PPP1R12A: variants seen among roughly 807,000 people sequenced by gnomAD.
The protein encoded by PPP1R12A is protein phosphatase 1 regulatory subunit 12A.
In PPP1R12A, 19 loss-of-function variants were observed where a neutral mutation model predicts 139.6. The observed-to-expected ratio is 0.14, with a 90% CI of 0.09 to 0.20. The LOEUF is 0.20. Among genes scored for constraint, PPP1R12A ranks in the 10% least tolerant of loss-of-function variants. The pLI, the probability that PPP1R12A is intolerant of heterozygous loss-of-function variation, is 1.00. For missense variants in PPP1R12A, 925 were observed against 1,211.5 expected (o/e 0.76, Z 3.51); for synonymous variants, 427 against 420.6 (o/e 1.02, Z -0.19).
intron 9 of PPP1R12A, 46 bp from the exon 10 acceptor site, chr12:79,810,056 G>A (rs762160303): frequency 1.3e-5 from 18 of 1,389,726 alleles, no homozygotes; most frequent in South Asian, 9.1e-5. Context: ...AATTTGTAAA[G>A]CTGATCAGTC....
chr12:79,873,842 G>A (rs1223018306), intron 1 of PPP1R12A, among the ~76,000 whole-genome samples: 2 of 152,170 alleles, frequency 1.3e-5, no homozygotes, highest in Non-Finnish European at 2.9e-5. Context: ...AAAAGCACTT[G>A]TGACATTGAG....
intron 1 of PPP1R12A, among the ~76,000 whole-genome samples, chr12:79,909,982 G>A (rs1172344531): frequency 2.6e-5 from 4 of 151,836 alleles, no homozygotes; most frequent in African/African-American, 9.7e-5. Flanking sequence ...TTACAGGCCT[G>A]AGCCACCCCG....
At chr12:79,868,967 A>G (rs972517175) in intron 2 of PPP1R12A, among the ~76,000 whole-genome samples, 2 of 152,236 alleles carry the variant, frequency 1.3e-5, no homozygotes, top group Admixed American at 6.5e-5. Context: ...TTAAGAATGA[A>G]AAAGTCAAGG....
chr12:79,873,038 T>C (rs1161665844), intron 1 of PPP1R12A, 100 bp from the exon 2 acceptor site: 13 of 1,218,626 alleles, frequency 1.1e-5, no homozygotes, highest in African/African-American at 1.5e-5. Context: ...TTTTATAATA[T>C]AAATATTCTC....
Position 79,806,286 on chromosome 12 carries a change from G to A in PPP1R12A, c.1703C>T (p.Pro568Leu). The A allele has an allele frequency of 1.9e-6, 3 of 1,613,842 alleles. No individual in the cohort carries two copies. Among genetic ancestry groups the A allele is most frequent in the East Asian group, 2.2e-5 (1 of 44,870 alleles). ...RQDDLISSSV[P>L]STTSTPTVTS... is the part of the protein sequence containing the mutation. ...AACTGTTGGTGTTGATGTGGTGCTT[G>A]GAACACTAGAACTAATCAAATCATC... is the stretch of plus-strand genomic sequence containing the variant. Residue 568 changes from proline (P) to leucine (L), a missense_variant, in exon 13 of 25, where the codon CCA becomes CTA. Coordinates refer to ENST00000450142, the MANE Select transcript of PPP1R12A (RefSeq NM_002480.3).
At chr12:79,846,672 G>T (rs1007548412) in intron 2 of PPP1R12A, among the ~76,000 whole-genome samples, 1 of 147,678 alleles carries the variant, frequency 6.8e-6, no homozygotes, top group Admixed American at 6.9e-5. Context: ...CTCGTGATCC[G>T]CCTGCCTCGG....
chr12:79,786,154 C>T (rs1312912175), intron 22 of PPP1R12A, among the ~76,000 whole-genome samples: 2 of 152,014 alleles, frequency 1.3e-5, no homozygotes, highest in African/African-American at 2.4e-5. Flanking sequence ...CTTGACATAC[C>T]ACAACATTGG....
At chr12:79,889,713 T>C (rs1359266590) in intron 1 of PPP1R12A, among the ~76,000 whole-genome samples, 1 of 152,186 alleles carries the variant, frequency 6.6e-6, no homozygotes, top group African/African-American at 2.4e-5. Context: ...TTGGGGTTAA[T>C]GTGTCTTGGT....
At chr12:79,886,781 T>C (rs1884144915) in intron 1 of PPP1R12A, among the ~76,000 whole-genome samples, 2 of 152,206 alleles carry the variant, frequency 1.3e-5, no homozygotes, top group Non-Finnish European at 1.5e-5. Context: ...ACAAATACTA[T>C]ATATTTGAAT....
At position 79,873,496 on chromosome 12, in the gene PPP1R12A, TA is replaced by T. The variant is rs35604870; in HGVS notation, c.238-559del. On this transcript the variant is annotated intron_variant, in intron 1 of 24. Transcript: ENST00000450142. The stretch of plus-strand genomic sequence containing the variant: ...TTTCAACCACTTTGTACTCATAATT[TA>T]AAAAAAAAAAAAAAAAAACATTGCT... Among the ~76,000 whole-genome samples, 197 of 134,750 alleles carry T rather than the reference TA, an allele frequency of 1.5e-3. 1 individual carries two copies. The highest frequency in any genetic ancestry group is 4.0e-3 in the African/African-American group (144 of 35,934). The allele number at this position is 134,750 out of a possible 152,430, so 88.4% of individuals were successfully genotyped here.
chr12:79,865,906 T>G (rs900206929), intron 2 of PPP1R12A, among the ~76,000 whole-genome samples: 1 of 152,098 alleles, frequency 6.6e-6, no homozygotes, highest in Non-Finnish European at 1.5e-5. Flanking sequence ...AAGTAACTTA[T>G]AGATTCAATG....
At chr12:79,842,590 T>TACA (rs1231581822) in intron 3 of PPP1R12A, among the ~76,000 whole-genome samples, 1 of 151,754 alleles carries the variant, frequency 6.6e-6, no homozygotes, top group Non-Finnish European at 1.5e-5. Flanking sequence ...TGTGTGTGTG[T>TACA]GTGTGTGTGT....
chr12:79,902,078 C>A (rs1033535025), intron 1 of PPP1R12A, among the ~76,000 whole-genome samples: 1 of 152,134 alleles, frequency 6.6e-6, no homozygotes, highest in African/African-American at 2.4e-5. Flanking sequence ...GTCAGCAGAT[C>A]CAGATAAGTC....
At chr12:79,870,107 TC>T (rs1330752905) in intron 2 of PPP1R12A, among the ~76,000 whole-genome samples, 2 of 152,058 alleles carry the variant, frequency 1.3e-5, no homozygotes, top group African/African-American at 4.8e-5. Context: ...TGTATTTTTT[TC>T]TTTTTTTGAA....
chr12:79,785,096 G>T (rs1160196322), intron 22 of PPP1R12A, among the ~76,000 whole-genome samples: 2 of 152,164 alleles, frequency 1.3e-5, no homozygotes, highest in African/African-American at 4.8e-5. Flanking sequence ...AGCAACATCA[G>T]TTTAGGTATT....
At chr12:79,914,122 A>C (rs1188259769) in intron 1 of PPP1R12A, among the ~76,000 whole-genome samples, 1 of 152,176 alleles carries the variant, frequency 6.6e-6, no homozygotes, top group Non-Finnish European at 1.5e-5. Context: ...TAAATATTTA[A>C]AAGTTTTTTC....
In PPP1R12A at chr12:79,828,589, TC is replaced by T. The variant is rs1439564243; in HGVS notation, c.648-126del. 6.6e-6 allele frequency: 5 copies of T among 757,894 alleles called. No homozygotes were observed. The African/African-American group carries it at 7.1e-5, about 11-fold the overall frequency. The allele number at this position is 757,894 out of a possible 1,614,324, so 46.9% of individuals were successfully genotyped here. On this transcript the variant is annotated intron_variant, in intron 4 of 24. Transcript: ENST00000450142. ...AATTTCTTTTCAGAATTTACATCCTTCCCCCTCAATGAATTAACTATGGCAA... is the reference window on the plus strand; with the variant it reads ...AATTTCTTTTCAGAATTTACATCCTTCCCCTCAATGAATTAACTATGGCAA...
chr12:79,817,693 T>C (rs780347554), intron 8 of PPP1R12A, among the ~76,000 whole-genome samples, 175 bp from the exon 9 acceptor site: 49 of 152,322 alleles, frequency 3.2e-4, no homozygotes, highest in Admixed American at 1.4e-3. Flanking sequence ...CTTGTCTCTA[T>C]ATATATGCTG....
At chr12:79,848,156 A>C (rs771643608) in intron 2 of PPP1R12A, among the ~76,000 whole-genome samples, 17 of 152,310 alleles carry the variant, frequency 1.1e-4, no homozygotes, top group South Asian at 2.1e-4. Context: ...ATCTTTATGG[A>C]AATTCTACAA....
Sources: gnomAD v4.1 joint callset for allele counts (sites outside exome capture counted in the v4.1 genomes callset) on GRCh38, gnomAD v4.1.1 for gene constraint, MANE v1.5 for transcripts, NCBI Gene and HGNC (gene_info 2026-07-23, HGNC 2026-07-21) for gene names.